The following CNTNAP4 variants were observed in gnomAD, a reference collection of about 807,000 sequenced individuals.
The protein encoded by CNTNAP4 is contactin associated protein family member 4.
Under a neutral mutation model 148.4 loss-of-function variants are expected in CNTNAP4, and 98 were observed. The ratio of observed to expected loss-of-function variants is 0.66; its 90% CI spans 0.56 to 0.78. The LOEUF (loss-of-function observed/expected upper bound fraction) is 0.78. CNTNAP4 is among the 30% of genes least tolerant of loss of function. The pLI is 0.00. For missense variants in CNTNAP4, 1,935 were observed against 1,565.6 expected (o/e 1.24, Z -3.98); for synonymous variants, 730 against 565.1 (o/e 1.29, Z -4.14).
At chr16:76,452,934 T>A (rs1198757824) in intron 8 of CNTNAP4, among the ~76,000 whole-genome samples, 165 bp downstream of exon 8, 3 of 152,230 alleles carry the variant, frequency 2.0e-5, no homozygotes, top group African/African-American at 7.2e-5. Flanking sequence ...GATTCCAATT[T>A]TCTTTTAAAT....
intron 2 of CNTNAP4, among the ~76,000 whole-genome samples, chr16:76,318,257 G>A (rs886751380): frequency 1.3e-5 from 2 of 152,208 alleles, no homozygotes; most frequent in African/African-American, 4.8e-5. Flanking sequence ...ATGTGGGCCA[G>A]TGAAAGGAAC....
chr16:76,479,240 C>A (rs1049098167), intron 11 of CNTNAP4, among the ~76,000 whole-genome samples, 179 bp from the exon 12 acceptor site: 8 of 152,024 alleles, frequency 5.3e-5, no homozygotes, highest in African/African-American at 1.9e-4. Flanking sequence ...GCTATCAAAT[C>A]ACTTTCATCC....
chr16:76,436,450 A>G (rs926443095), intron 4 of CNTNAP4, among the ~76,000 whole-genome samples: 3 of 150,484 alleles, frequency 2.0e-5, no homozygotes, highest in African/African-American at 7.4e-5. Flanking sequence ...AGCCACTCAC[A>G]TGATAAGAGC....
intron 1 of CNTNAP4, among the ~76,000 whole-genome samples, chr16:76,279,226 T>C (rs1247453031): frequency 2.6e-5 from 4 of 152,188 alleles, no homozygotes; most frequent in South Asian, 2.1e-4. Flanking sequence ...TCTTACAATG[T>C]AAAGCACATC....
intron 2 of CNTNAP4, among the ~76,000 whole-genome samples, chr16:76,340,970 A>G (rs993520013): frequency 3.3e-5 from 5 of 152,180 alleles, no homozygotes; most frequent in Non-Finnish European, 7.3e-5. Flanking sequence ...TTTCAGTCCC[A>G]TCTTTCAACA....
At chr16:76,412,598 G>A (rs2078836913) in intron 3 of CNTNAP4, among the ~76,000 whole-genome samples, 1 of 151,206 alleles carries the variant, frequency 6.6e-6, no homozygotes, top group African/African-American at 2.4e-5. Context: ...CTCACACTTT[G>A]GTTCTAATTG....
intron 17 of CNTNAP4, among the ~76,000 whole-genome samples, chr16:76,526,171 G>A (rs541130627): frequency 4.6e-5 from 7 of 152,022 alleles, no homozygotes; most frequent in Non-Finnish European, 8.8e-5. Flanking sequence ...TTGAGCAGAG[G>A]CCAGATGAAA....
intron 1 of CNTNAP4, among the ~76,000 whole-genome samples, chr16:76,314,249 G>A (rs993134363): frequency 2.6e-5 from 4 of 152,114 alleles, no homozygotes; most frequent in Non-Finnish European, 4.4e-5. Context: ...TACCACAAAG[G>A]GATCCCAATC....
At chr16:76,280,039 A>G (rs1397027617) in intron 1 of CNTNAP4, among the ~76,000 whole-genome samples, 1 of 152,226 alleles carries the variant, frequency 6.6e-6, no homozygotes, top group Non-Finnish European at 1.5e-5. Flanking sequence ...AATGACTCCA[A>G]TAATTCTTCT....
chr16:76,425,577 C>T (rs1467371395), intron 3 of CNTNAP4, among the ~76,000 whole-genome samples: 1 of 151,696 alleles, frequency 6.6e-6, no homozygotes, highest in East Asian at 1.9e-4. Context: ...GAGAAAATAG[C>T]AAGATATTTA....
intron 1 of CNTNAP4, among the ~76,000 whole-genome samples, chr16:76,285,900 A>G (rs1027829180): frequency 6.6e-6 from 1 of 151,772 alleles, no homozygotes; most frequent in Non-Finnish European, 1.5e-5. Flanking sequence ...AGACCCCCAC[A>G]TTTTCCCATC....
chr16:76,372,284 C>T (rs372791978), intron 3 of CNTNAP4, among the ~76,000 whole-genome samples: 6 of 150,796 alleles, frequency 4.0e-5, no homozygotes, highest in South Asian at 4.2e-4. Flanking sequence ...GGACTACAGG[C>T]GCCCGCCACC....
chr16:76,304,300 T>C (rs1399264129), intron 1 of CNTNAP4, among the ~76,000 whole-genome samples: 1 of 152,166 alleles, frequency 6.6e-6, no homozygotes, highest in East Asian at 1.9e-4. Flanking sequence ...CACAATATTC[T>C]GGCTTCAGTG....
chr16:76,439,647 A>G (rs2079962061), intron 4 of CNTNAP4, among the ~76,000 whole-genome samples: 1 of 152,166 alleles, frequency 6.6e-6, no homozygotes, highest in Non-Finnish European at 1.5e-5. Context: ...GAGAATGATC[A>G]TGTTTTTTCC....
chr16:76,298,808 G>C (rs1959613267), intron 1 of CNTNAP4, among the ~76,000 whole-genome samples: 1 of 152,064 alleles, frequency 6.6e-6, no homozygotes, highest in South Asian at 2.1e-4. Flanking sequence ...AAGCCATGGA[G>C]TGGAGCCAAA....
chr16:76,560,562 T>C lies in CNTNAP4; in HGVS notation c.*1879T>C, dbSNP rs141470931. Among the ~76,000 whole-genome samples the C allele has an allele frequency of 1.9e-4, 29 of 152,328 alleles. No individual in the cohort carries two copies. The East Asian group carries it at 4.4e-3, about 23-fold the overall frequency. On this transcript the variant is annotated 3_prime_UTR_variant, in exon 24 of 24. Coordinates refer to ENST00000611870, the MANE Select transcript of CNTNAP4 (RefSeq NM_033401.5). ...TTTTGCAGATGTTCATGTTATTTAG[T>C]AGCGGTATTAACCTCATTGGTAGCT...
At position 76,498,698 on chromosome 16, in the gene CNTNAP4, A is replaced by G. The variant is rs1436202287; in HGVS notation, c.2365+4A>G. 1.2e-6 allele frequency: 2 copies of G among 1,601,518 alleles called. No homozygotes were observed. The highest frequency in any genetic ancestry group is 3.5e-5 in the Admixed American group (2 of 57,348). Reference sequence around the variant, plus strand: ...CCTCTGCTCTGCCAGGGAGACAGTAAGTGGTTACAATGTGTTGAAACCGTA... The same window carrying G: ...CCTCTGCTCTGCCAGGGAGACAGTAGGTGGTTACAATGTGTTGAAACCGTA... On this transcript the variant is annotated splice_donor_region_variant and intron_variant, in intron 15 of 23. Coordinates refer to ENST00000611870, the MANE Select transcript of CNTNAP4 (RefSeq NM_033401.5).
intron 2 of CNTNAP4, among the ~76,000 whole-genome samples, chr16:76,352,614 TA>T (rs1392808353): frequency 2.0e-5 from 3 of 152,094 alleles, no homozygotes; most frequent in Non-Finnish European, 4.4e-5. Flanking sequence ...CACTGAGAAT[TA>T]ATTTACAAGG....
At chr16:76,304,441 A>T (rs528335692) in intron 1 of CNTNAP4, among the ~76,000 whole-genome samples, 32 of 152,150 alleles carry the variant, frequency 2.1e-4, no homozygotes, top group Admixed American at 1.4e-3. Flanking sequence ...GTAGGATGGG[A>T]GGGTTGAGGG....
Sources: gnomAD v4.1 joint callset for allele counts (sites outside exome capture counted in the v4.1 genomes callset) on GRCh38, gnomAD v4.1.1 for gene constraint, MANE v1.5 for transcripts, NCBI Gene and HGNC (gene_info 2026-07-23, HGNC 2026-07-21) for gene names.